The following RYR3 variants were observed in gnomAD, a reference collection of about 807,000 sequenced individuals.
The protein encoded by RYR3 is ryanodine receptor 3, also known as brain ryanodine receptor-calcium release channel.
RYR3 carries 207 observed loss-of-function variants against 584.3 expected under a neutral mutation model. That is an observed-to-expected ratio of 0.35 (90% confidence interval 0.32 to 0.40). The LOEUF (loss-of-function observed/expected upper bound fraction) is 0.40. Among genes scored for constraint, RYR3 ranks in the 10% least tolerant of loss-of-function variants. The pLI, the probability that RYR3 is intolerant of heterozygous loss-of-function variation, is 1.00. For synonymous variants in RYR3, 2,416 were observed against 2,248.5 expected, an observed-to-expected ratio of 1.07 and a Z score of -2.11; for missense variants, 5,616 against 6,089.2, an observed-to-expected ratio of 0.92 and a Z score of 2.59.
intron 67 of RYR3, among the ~76,000 whole-genome samples, chr15:33,800,224 C>T (rs1263762778): frequency 2.6e-5 from 4 of 152,010 alleles, no homozygotes; most frequent in East Asian, 1.9e-4. Context: ...CAAATCACAG[C>T]GAAAAACATA....
chr15:33,413,604 T>C (rs1349331664), intron 1 of RYR3, among the ~76,000 whole-genome samples: 1 of 152,208 alleles, frequency 6.6e-6, no homozygotes, highest in Non-Finnish European at 1.5e-5. Flanking sequence ...TGACTTCTGA[T>C]CTAGGACTGG....
intron 35 of RYR3, 98 bp downstream of exon 35, chr15:33,663,046 C>G: frequency 1.8e-6 from 2 of 1,123,110 alleles, no homozygotes; most frequent in Non-Finnish European, 2.6e-6. Context: ...TAAGGTATGT[C>G]AAGTGCTTGG....
intron 20 of RYR3, among the ~76,000 whole-genome samples, chr15:33,626,889 T>A (rs1317946112): frequency 2.0e-5 from 3 of 152,076 alleles, no homozygotes; most frequent in Non-Finnish European, 4.4e-5. Flanking sequence ...AACACCTGGA[T>A]GTCCAAGCAG....
In RYR3 at chr15:33,748,169, T is replaced by A; in HGVS notation, c.8045T>A (p.Val2682Glu). Residue 2682 changes from valine to glutamate, a missense_variant, in exon 54 of 104, where the codon GTG (valine) becomes GAG (glutamate). Coordinates refer to ENST00000634891, the MANE Select transcript of RYR3 (RefSeq NM_001036.6). ...GAGTCCCTGAAAACCATGCTGGCTGTGGGCTGGACTGTGGAGAGGACCAAA... is the reference window on the plus strand; with the variant it reads ...GAGTCCCTGAAAACCATGCTGGCTGAGGGCTGGACTGTGGAGAGGACCAAA... ...ARESLKTMLA[V>E]GWTVERTKEG... 6.2e-7 allele frequency: 1 copy of A among 1,613,896 alleles called. No homozygotes were observed. Among genetic ancestry groups the A allele is most frequent in the Non-Finnish European group, 8.5e-7 (1 of 1,179,802 alleles).
At chr15:33,367,423 G>C (rs1260043914) in intron 1 of RYR3, among the ~76,000 whole-genome samples, 4 of 152,082 alleles carry the variant, frequency 2.6e-5, no homozygotes, top group African/African-American at 9.7e-5. Context: ...AATACAGTTG[G>C]TTTAGTTTAG....
intron 41 of RYR3, among the ~76,000 whole-genome samples, chr15:33,700,630 C>T (rs538833596): frequency 6.0e-4 from 91 of 152,074 alleles, no homozygotes; most frequent in Non-Finnish European, 1.2e-3. Flanking sequence ...TAGGTGGTAG[C>T]CCCAGAAATA....
chr15:33,762,146 A>G (rs2072509626), intron 60 of RYR3, among the ~76,000 whole-genome samples: 1 of 151,642 alleles, frequency 6.6e-6, no homozygotes, highest in Non-Finnish European at 1.5e-5. Context: ...CACAGCCAAT[A>G]TCATACTGAA....
chr15:33,701,649 G>A (rs1362062003), intron 42 of RYR3, among the ~76,000 whole-genome samples: 1 of 152,080 alleles, frequency 6.6e-6, no homozygotes, highest in Non-Finnish European at 1.5e-5. Context: ...CCTGGAGGGG[G>A]AGGGGGGTGG....
At chr15:33,634,438 C>T (rs2061409467) in intron 24 of RYR3, 148 bp from the exon 25 acceptor site, 1 of 651,102 alleles carries the variant, frequency 1.5e-6, no homozygotes. Context: ...GCAATATGTA[C>T]ATTGCTAAAT....
At chr15:33,807,861 G>T in intron 70 of RYR3, 1 of 455,834 alleles carries the variant, frequency 2.2e-6, no homozygotes, top group Non-Finnish European at 4.0e-6. Flanking sequence ...CACACTAACA[G>T]AGATAGGGAT....
chr15:33,766,288 G>GAAA (rs66478931), intron 60 of RYR3, among the ~76,000 whole-genome samples: 25,234 of 133,886 alleles, frequency 0.19, 2,283 homozygotes, highest in South Asian at 0.29. Context: ...ACCTCAAAAA[G>GAAA]AAAAAAAAAA....
At chr15:33,402,987 G>A (rs2042783000) in intron 1 of RYR3, among the ~76,000 whole-genome samples, 1 of 152,218 alleles carries the variant, frequency 6.6e-6, no homozygotes, top group Non-Finnish European at 1.5e-5. Flanking sequence ...ACCAAGTCCA[G>A]CATCAAATGG....
At chr15:33,426,505 C>T (rs961144577) in intron 1 of RYR3, among the ~76,000 whole-genome samples, 1 of 152,070 alleles carries the variant, frequency 6.6e-6, no homozygotes, top group Non-Finnish European at 1.5e-5. Flanking sequence ...ACTTTCTTAT[C>T]CTTTTAGTGG....
In RYR3 at chr15:33,724,120, A is replaced by G; in HGVS notation, c.6856A>G (p.Met2286Val). The G allele has an allele frequency of 2.5e-6, 4 of 1,613,312 alleles. No individual in the cohort carries two copies. Among genetic ancestry groups the G allele is most frequent in the Non-Finnish European group, 3.4e-6 (4 of 1,179,414 alleles). ...AATCGTGCATATGGGCAATGCAATT[A>G]TGTCATTTTATTCGGCCCTTATAGA... is the stretch of plus-strand genomic sequence containing the variant. ...EEIVHMGNAI[M>V]SFYSALIDLL... Residue 2286 changes from methionine (M) to valine (V), a missense_variant, in exon 45 of 104, where the codon ATG (methionine) becomes GTG (valine). Met to Val is a conservative substitution (Grantham distance 21). This residue lies in a region of RYR3 where 1,280 missense variants were observed against 1,426.2 expected (regional missense o/e 0.90). Transcript: ENST00000634891.
In RYR3 at chr15:33,543,125, A is replaced by G. The variant is rs563828170; in HGVS notation, c.647-497A>G. ...CAACCAGATTTGATCTGTTTGTTAA[A>G]TGTATTTGAATGTTGCCTTCTCCTA... On this transcript the variant is annotated intron_variant, in intron 7 of 103. Coordinates refer to ENST00000634891, the MANE Select transcript of RYR3 (RefSeq NM_001036.6). Among the ~76,000 whole-genome samples, 4 of 152,212 alleles carry G rather than the reference A, an allele frequency of 2.6e-5. No individual in the cohort carries two copies. In the South Asian group the frequency reaches 8.3e-4, roughly 32 times the overall value.
chr15:33,649,039 G>A (rs769167347), intron 30 of RYR3, 33 bp from the exon 31 acceptor site: 7 of 1,581,700 alleles, frequency 4.4e-6, no homozygotes, highest in African/African-American at 1.3e-5. Flanking sequence ...GGGGGCTGGG[G>A]GCCATTGACT....
At chr15:33,343,290 G>A (rs756716784) in intron 1 of RYR3, among the ~76,000 whole-genome samples, 2 of 151,906 alleles carry the variant, frequency 1.3e-5, no homozygotes, top group Non-Finnish European at 2.9e-5. Flanking sequence ...TTCCCTAAGC[G>A]GCCCTTCATT....
intron 2 of RYR3, among the ~76,000 whole-genome samples, chr15:33,502,654 G>C (rs1230495767): frequency 6.6e-6 from 1 of 152,170 alleles, no homozygotes; most frequent in East Asian, 1.9e-4. Flanking sequence ...TGAAATATTT[G>C]AATATTTGCT....
chr15:33,822,731 C>T (rs1439939875), intron 80 of RYR3, among the ~76,000 whole-genome samples: 2 of 152,344 alleles, frequency 1.3e-5, no homozygotes, highest in African/African-American at 4.8e-5. Context: ...AACTCAGCTT[C>T]GTGATACATT....
Sources: allele counts gnomAD v4.1 joint callset (sites outside exome capture counted in the v4.1 genomes callset), GRCh38; gene constraint gnomAD v4.1.1; regional missense constraint gnomAD v4.1.1; transcripts MANE v1.5; gene names NCBI Gene and HGNC (gene_info 2026-07-23, HGNC 2026-07-21).